The following CLCN1 variants were observed in gnomAD, a reference collection of about 807,000 sequenced individuals.
The protein encoded by CLCN1 is chloride channel protein 1.
CLCN1 carries 100 observed loss-of-function variants against 114.5 expected under a neutral mutation model. The ratio of observed to expected loss-of-function variants is 0.87; its 90% CI spans 0.74 to 1.03. The LOEUF (loss-of-function observed/expected upper bound fraction) is 1.03, where lower values mean the gene tolerates loss of function less well. CLCN1 is among the 50% of genes least tolerant of loss of function. The pLI is 0.00. For missense variants in CLCN1, 1,188 were observed against 1,250.0 expected, an observed-to-expected ratio of 0.95 and a Z score of 0.75; for synonymous variants, 485 against 487.1, an observed-to-expected ratio of 1.00 and a Z score of 0.06.
At chr7:143,329,906 A>G (rs1802676850) in intron 7 of CLCN1, among the ~76,000 whole-genome samples, 1 of 151,824 alleles carries the variant, frequency 6.6e-6, no homozygotes, top group Non-Finnish European at 1.5e-5. Flanking sequence ...GCCTCTCTTG[A>G]GTGTTGCTTT....
Position 143,331,319 on chromosome 7 carries a change from C to T in CLCN1, c.1064+3C>T, listed in dbSNP as rs770182667. 6 of 1,600,290 alleles carry T rather than the reference C, an allele frequency of 3.7e-6. No individual in the cohort carries two copies. In the South Asian group the frequency reaches 4.4e-5, roughly 12 times the overall value. ...CTACCAGCTTTTGCTGCCATCGGGTCAGTGGGGTTACCTGCTCTGTGTGTG... is the reference window on the plus strand; with the variant it reads ...CTACCAGCTTTTGCTGCCATCGGGTTAGTGGGGTTACCTGCTCTGTGTGTG... On this transcript the variant is annotated splice_donor_region_variant and intron_variant, in intron 9 of 22. Transcript: ENST00000343257.
At chr7:143,344,303 T>C (rs1803167771) in intron 16 of CLCN1, among the ~76,000 whole-genome samples, 1 of 152,230 alleles carries the variant, frequency 6.6e-6, no homozygotes, top group Non-Finnish European at 1.5e-5. Flanking sequence ...TCCTTGAGAA[T>C]AGAGGCTATG....
At chr7:143,336,348 G>A (rs1802890185) in intron 12 of CLCN1, among the ~76,000 whole-genome samples, 2 of 151,720 alleles carry the variant, frequency 1.3e-5, no homozygotes, top group South Asian at 2.1e-4. Context: ...AAAAAAAGCT[G>A]GGTGTAATCC....
In CLCN1 at chr7:143,332,845, T is replaced by C; in HGVS notation, c.1373T>C (p.Ile458Thr). 6.2e-7 allele frequency: 1 copy of C among 1,614,138 alleles called. No individual in the cohort carries two copies. Among genetic ancestry groups the C allele is most frequent in the Non-Finnish European group, 8.5e-7 (1 of 1,180,022 alleles). ...ATTCACCCCCGGGTCAACGTTGTCA[T>C]CATCATCTTTCTCTTCTTCGTCATG... ...VWIHPRVNVV[I>T]IIFLFFVMKF... is the part of the protein sequence containing the mutation. The change falls in exon 12 of 23, where the codon ATC becomes ACC. Residue 458 changes from isoleucine to threonine, a missense_variant. Ile to Thr is a moderately conservative substitution (Grantham distance 89). Coordinates refer to ENST00000343257, the MANE Select transcript of CLCN1 (RefSeq NM_000083.3).
intron 16 of CLCN1, 26 bp from the exon 17 acceptor site, chr7:143,345,495 T>G (rs1007706801): frequency 6.6e-7 from 1 of 1,517,518 alleles, no homozygotes; most frequent in Non-Finnish European, 8.9e-7. Flanking sequence ...GAGGGGGCGC[T>G]CAGGCAGGGC....
At chr7:143,327,455 C>T (rs1007570901) in intron 7 of CLCN1, among the ~76,000 whole-genome samples, 3 of 151,970 alleles carry the variant, frequency 2.0e-5, no homozygotes, top group African/African-American at 4.8e-5. Flanking sequence ...GTGATATGGC[C>T]AGCTTTGAGT....
chr7:143,325,593 G>A (rs755942964), intron 7 of CLCN1, among the ~76,000 whole-genome samples: 8 of 152,160 alleles, frequency 5.3e-5, no homozygotes, highest in Admixed American at 3.3e-4. Flanking sequence ...CATGTTAAAC[G>A]TTCACACTTA....
Position 143,321,792 on chromosome 7 carries a change from G to T in CLCN1, c.640G>T (p.Ala214Ser). Residue 214 changes from alanine (A) to serine (S), a missense_variant, in exon 5 of 23, where the codon GCC becomes TCC. Ala to Ser is a moderately conservative substitution (Grantham distance 99). Coordinates refer to ENST00000343257, the MANE Select transcript of CLCN1 (RefSeq NM_000083.3). This position sits in a 1 kb window ranked among gnomAD's most constrained non-coding sequence, Gnocchi z 4.2. ...ATACCTCACAATGAAAGCCTTTGTGGCCAAGGTTGTCGCCCTGACTGCGGG... is the reference window on the plus strand; with the variant it reads ...ATACCTCACAATGAAAGCCTTTGTGTCCAAGGTTGTCGCCCTGACTGCGGG... Reference protein sequence around the residue: ...KEYLTMKAFVAKVVALTAGLG... With the variant: ...KEYLTMKAFVSKVVALTAGLG... 1.9e-6 allele frequency: 3 copies of T among 1,614,244 alleles called. No homozygotes were observed. The highest frequency in any genetic ancestry group is 2.2e-5 in the East Asian group (1 of 44,886).
intron 12 of CLCN1, among the ~76,000 whole-genome samples, chr7:143,338,815 A>G (rs1802996301): frequency 1.3e-5 from 2 of 151,954 alleles, no homozygotes; most frequent in African/African-American, 2.4e-5. Context: ...AAAAGAAAAA[A>G]AAAAAACCGG....
intron 1 of CLCN1, among the ~76,000 whole-genome samples, chr7:143,319,001 T>G (rs866586189): frequency 6.6e-6 from 1 of 151,740 alleles, no homozygotes; most frequent in Admixed American, 6.6e-5. Flanking sequence ...GTAGTGGGAG[T>G]GGGGCAGGCT....
At chr7:143,331,022 C>A in intron 8 of CLCN1, 125 bp downstream of exon 8, 2 of 1,367,984 alleles carry the variant, frequency 1.5e-6, no homozygotes, top group Non-Finnish European at 2.1e-6. Flanking sequence ...GGGGTGGGAC[C>A]AAGGCCCAAG....
intron 14 of CLCN1, among the ~76,000 whole-genome samples, chr7:143,341,619 T>C (rs1364974615): frequency 6.6e-6 from 1 of 151,558 alleles, no homozygotes; most frequent in East Asian, 1.9e-4. Flanking sequence ...TAAAATAAAA[T>C]GCTCAGTGAA....
At chr7:143,343,106 T>C (rs1487626312) in intron 16 of CLCN1, among the ~76,000 whole-genome samples, 3 of 152,200 alleles carry the variant, frequency 2.0e-5, no homozygotes, top group South Asian at 4.1e-4. Context: ...TATATGACCT[T>C]GTTGTATGTG....
At chr7:143,320,405 T>C (rs1802392833) in intron 2 of CLCN1, among the ~76,000 whole-genome samples, 1 of 152,140 alleles carries the variant, frequency 6.6e-6, no homozygotes, top group Non-Finnish European at 1.5e-5. Context: ...AACTGGGCTT[T>C]GGTGCCTTTT....
Position 143,343,690 on chromosome 7 carries a change from T to TTTTC in CLCN1, c.1930+1192_1930+1195dup, listed in dbSNP as rs1269770172. Among the ~76,000 whole-genome samples the TTTTC allele has an allele frequency of 4.6e-4, 65 of 139,856 alleles. No individual in the cohort carries two copies. In the Middle Eastern group the frequency reaches 0.011, roughly 24 times the overall value. The allele number at this position is 139,856 out of a possible 152,430, so 91.8% of individuals were successfully genotyped here. On this transcript the variant is annotated intron_variant, in intron 16 of 22. Coordinates refer to ENST00000343257, the MANE Select transcript of CLCN1 (RefSeq NM_000083.3). ...CCAACTTATGGAAGAGTTGGAACTG[T>TTTTC]TTTCTTTCTTCCTTCCTTTCTTTCT...
chr7:143,330,839 T>C lies in CLCN1; in HGVS notation c.921T>C (p.Phe307=). The C allele has an allele frequency of 1.2e-6, 2 of 1,614,212 alleles. No homozygotes were observed. Among genetic ancestry groups the C allele is most frequent in the East Asian group, 2.2e-5 (1 of 44,886 alleles). ...FAVRNYWRGF[F]AATFSAFVFR... ...TTCGGAACTACTGGAGAGGATTCTT[T>C]GCAGCCACGTTCAGCGCCTTTGTGT... Residue 307 remains phenylalanine (F), a synonymous_variant, in exon 8 of 23, where the codon TTT becomes TTC. Coordinates refer to ENST00000343257, the MANE Select transcript of CLCN1 (RefSeq NM_000083.3).
chr7:143,325,989 A>G (rs1802562679), intron 7 of CLCN1, among the ~76,000 whole-genome samples: 1 of 152,060 alleles, frequency 6.6e-6, no homozygotes, highest in African/African-American at 2.4e-5. Flanking sequence ...AGGTATTTGC[A>G]GGTGGCATTA....
At position 143,350,483 on chromosome 7, in the gene CLCN1, C is replaced by G. The variant is rs1554439845; in HGVS notation, c.2508+7C>G. On this transcript the variant is annotated splice_region_variant and intron_variant, in intron 21 of 22. Transcript: ENST00000343257. This position sits in a 1 kb window ranked among gnomAD's most constrained non-coding sequence, Gnocchi z 5.1. The stretch of plus-strand genomic sequence containing the variant: ...GCAGACAACCCTGCACAAGGTGAGT[C>G]TTTTGCTGACTGCTCAGGGCTGTGG... 2.5e-6 allele frequency: 4 copies of G among 1,612,518 alleles called. No individual in the cohort carries two copies. The highest frequency in any genetic ancestry group is 3.4e-6 in the Non-Finnish European group (4 of 1,178,520).
chr7:143,320,551 TTTTCTC>T (rs1802396618), intron 2 of CLCN1, 107 bp from the exon 3 acceptor site: 2 of 864,928 alleles, frequency 2.3e-6, no homozygotes, highest in Non-Finnish European at 3.5e-6. Flanking sequence ...CGTTAGCTGC[TTTTCTC>T]TCTCTCTCTC....
Sources: gnomAD v4.1 joint callset for allele counts (sites outside exome capture counted in the v4.1 genomes callset) on GRCh38, gnomAD v4.1.1 for gene constraint, Gnocchi (gnomAD v3.1) non-coding constraint, MANE v1.5 for transcripts, NCBI Gene and HGNC (gene_info 2026-07-23, HGNC 2026-07-21) for gene names.